ATP2C2: variants seen among roughly 807,000 people sequenced by gnomAD.
ATP2C2 encodes ATPase secretory pathway Ca2+ transporting 2.
Under a neutral mutation model 110.8 loss-of-function variants are expected in ATP2C2, and 171 were observed. That is an observed-to-expected ratio of 1.54 (90% confidence interval 1.36 to 1.75). The LOEUF is 1.75. Among genes scored for constraint, ATP2C2 ranks in the 40% most tolerant of loss-of-function variants. The pLI is 0.00. For synonymous variants in ATP2C2, 804 were observed against 508.4 expected, an observed-to-expected ratio of 1.58 and a Z score of -7.82; for missense variants, 1,963 against 1,235.0, an observed-to-expected ratio of 1.59 and a Z score of -8.84.
intron 11 of ATP2C2, among the ~76,000 whole-genome samples, chr16:84,430,011 C>A (rs1461856999): frequency 6.6e-6 from 1 of 152,108 alleles, no homozygotes; most frequent in Non-Finnish European, 1.5e-5. Context: ...CCTCCTCTGT[C>A]TCTGCGTCTC....
At chr16:84,450,487 G>A (rs1048178916) in intron 17 of ATP2C2, among the ~76,000 whole-genome samples, 4 of 152,166 alleles carry the variant, frequency 2.6e-5, no homozygotes, top group African/African-American at 9.7e-5. Context: ...CACGGAGGCA[G>A]GAGTATCCTC....
At chr16:84,406,673 C>G (rs973750825) in intron 3 of ATP2C2, 1 of 982,842 alleles carries the variant, frequency 1.0e-6, no homozygotes, top group Admixed American at 6.2e-5. Context: ...TCTGGCTAGC[C>G]CAGAAGCTTC....
chr16:84,408,595 G>C (rs574408951), intron 4 of ATP2C2, 101 bp downstream of exon 4: 11 of 884,332 alleles, frequency 1.2e-5, no homozygotes, highest in East Asian at 2.7e-5. Flanking sequence ...TTTGCTGTAG[G>C]GGGGAAAAAG....
At chr16:84,433,703 C>T (rs1387084821) in intron 11 of ATP2C2, among the ~76,000 whole-genome samples, 1 of 150,162 alleles carries the variant, frequency 6.7e-6, no homozygotes, top group East Asian at 2.0e-4. Context: ...CACACACACA[C>T]ACCCTCCTGC....
At chr16:84,432,724 T>G (rs1296164391) in intron 11 of ATP2C2, among the ~76,000 whole-genome samples, 1 of 152,098 alleles carries the variant, frequency 6.6e-6, no homozygotes, top group African/African-American at 2.4e-5. Context: ...TTTCACTATG[T>G]TGGCCAGGCT....
chr16:84,377,714 G>T (rs1007657406), intron 1 of ATP2C2, among the ~76,000 whole-genome samples: 3 of 152,168 alleles, frequency 2.0e-5, no homozygotes, highest in South Asian at 4.1e-4. Context: ...TGGGGTTTAG[G>T]GCTTTAGCCT....
intron 1 of ATP2C2, 92 bp from the exon 2 acceptor site, chr16:84,398,407 A>C (rs1459112615): frequency 2.6e-6 from 2 of 767,104 alleles, no homozygotes; most frequent in East Asian, 7.0e-5. Flanking sequence ...CTCCATCTCA[A>C]AAAAATAAAC....
chr16:84,431,584 A>T (rs1908282736), intron 11 of ATP2C2, among the ~76,000 whole-genome samples: 1 of 151,496 alleles, frequency 6.6e-6, no homozygotes, highest in Non-Finnish European at 1.5e-5. Context: ...TCAGGAGATG[A>T]GCAGGAAGGG....
chr16:84,368,582 C>G lies in ATP2C2; in HGVS notation c.-34C>G, dbSNP rs1259217313. 1.3e-6 allele frequency: 2 copies of G among 1,503,494 alleles called. No individual in the cohort carries two copies. Among genetic ancestry groups the G allele is most frequent in the Non-Finnish European group, 1.8e-6 (2 of 1,110,420 alleles). 93.1% of individuals were successfully genotyped at this position (1,503,494 alleles called of 1,614,324 possible). On this transcript the variant is annotated 5_prime_UTR_variant, in exon 1 of 27. Transcript: ENST00000262429. ...AGCCATCCCGGGCCTCGCCGGGGAC[C>G]TAGGGACGCAGGCAACGCCTGCGCC...
intron 3 of ATP2C2, 150 bp from the exon 4 acceptor site, chr16:84,408,255 G>A (rs1346192925): frequency 7.3e-6 from 5 of 680,728 alleles, no homozygotes; most frequent in Non-Finnish European, 1.3e-5. Flanking sequence ...CTGCATGGGG[G>A]TGGTCTCCCC....
intron 3 of ATP2C2, chr16:84,406,692 G>C (rs1309284724): frequency 1.0e-6 from 1 of 972,702 alleles, no homozygotes; most frequent in African/African-American, 1.8e-5. Context: ...TCCTAAAACT[G>C]CAGGGCTGAG....
Position 84,440,878 on chromosome 16 carries a change from G to A in ATP2C2, c.1231G>A (p.Gly411Ser), listed in dbSNP as rs2303853. The change falls in exon 14 of 27, where the codon GGT (glycine) becomes AGT (serine). Residue 411 changes from glycine to serine, a missense_variant. Transcript: ENST00000262429. ...RAEVSGVGYD[G>S]QGTVCLLPSK... ...GCAGGTCAGCGGAGTTGGGTATGAC[G>A]GTCAAGGGACTGTGTGTCTTCTACC... 100,601 of 1,612,664 alleles carry A rather than the reference G, an allele frequency of 0.062. 3,520 individuals are homozygous for A. Among genetic ancestry groups the A allele is most frequent in the Admixed American group, 0.09 (5,365 of 59,848 alleles).
intron 1 of ATP2C2, among the ~76,000 whole-genome samples, chr16:84,373,522 A>G (rs1160784867): frequency 1.3e-5 from 2 of 152,172 alleles, no homozygotes; most frequent in Non-Finnish European, 2.9e-5. Context: ...ACAAAAAAAG[A>G]GACTGGAAAC....
At chr16:84,460,353 G>C (rs1332473139) in intron 23 of ATP2C2, 3 of 433,684 alleles carry the variant, frequency 6.9e-6, no homozygotes, top group Non-Finnish European at 1.3e-5. Context: ...ACGTTGGGGG[G>C]GGTCCCCTCG....
At chr16:84,459,525 G>A (rs1323285629) in intron 23 of ATP2C2, 139 bp downstream of exon 23, 1 of 1,554,560 alleles carries the variant, frequency 6.4e-7, no homozygotes, top group Non-Finnish European at 8.7e-7. Flanking sequence ...GAAAACTGAA[G>A]TGTGTTGCAC....
chr16:84,395,945 C>T (rs1349770273), intron 1 of ATP2C2, among the ~76,000 whole-genome samples: 2 of 152,178 alleles, frequency 1.3e-5, no homozygotes, highest in East Asian at 1.9e-4. Context: ...AAACTCTCAT[C>T]TTTCCCAAAG....
At chr16:84,460,945 C>A (rs772085697) in intron 24 of ATP2C2, 144 bp downstream of exon 24, 6 of 1,216,152 alleles carry the variant, frequency 4.9e-6, no homozygotes, top group East Asian at 2.5e-5. Context: ...CCATCAGAGG[C>A]GTGGGGTGCA....
intron 11 of ATP2C2, among the ~76,000 whole-genome samples, chr16:84,430,395 C>G (rs1007053180): frequency 7.7e-6 from 1 of 130,290 alleles, no homozygotes. Flanking sequence ...AATCCCAGCA[C>G]TTTTGGACAC....
At chr16:84,379,279 C>T (rs1428072266) in intron 1 of ATP2C2, among the ~76,000 whole-genome samples, 2 of 151,956 alleles carry the variant, frequency 1.3e-5, no homozygotes, top group African/African-American at 4.8e-5. Context: ...TCTTTCTGGG[C>T]TGAAGTGATC....
Sources: gnomAD v4.1 joint callset for allele counts (sites outside exome capture counted in the v4.1 genomes callset) on GRCh38, gnomAD v4.1.1 for gene constraint, MANE v1.5 for transcripts, NCBI Gene and HGNC (gene_info 2026-07-23, HGNC 2026-07-21) for gene names.